RBFOX3: variants seen among roughly 807,000 people sequenced by gnomAD.
The protein encoded by RBFOX3 is RNA binding protein fox-1 homolog 3.
RBFOX3 carries 17 observed loss-of-function variants against 48.7 expected under a neutral mutation model. The observed-to-expected ratio is 0.35, with a 90% CI of 0.24 to 0.52. The LOEUF is 0.52. Among genes scored for constraint, RBFOX3 ranks in the 20% least tolerant of loss-of-function variants. The probability of loss-of-function intolerance (pLI) is 0.94; values close to 1 mark genes in which losing one functional copy is unlikely to be tolerated. For missense variants in RBFOX3, 382 were observed against 497.5 expected, an observed-to-expected ratio of 0.77 and a Z score of 2.21; for synonymous variants, 212 against 209.5, an observed-to-expected ratio of 1.01 and a Z score of -0.10.
chr17:79,289,747 T>C (rs2144806825), intron 3 of RBFOX3, among the ~76,000 whole-genome samples: 1 of 152,366 alleles, frequency 6.6e-6, no homozygotes, highest in Admixed American at 6.5e-5. Flanking sequence ...AGTGGCGTAT[T>C]TTATCTTTAT....
intron 4 of RBFOX3, among the ~76,000 whole-genome samples, chr17:79,156,931 G>A (rs747936715): frequency 6.6e-6 from 1 of 152,180 alleles, no homozygotes; most frequent in Non-Finnish European, 1.5e-5. Context: ...TGTTTGCCCC[G>A]CTGTGGTGGC....
chr17:79,283,943 T>TAA (rs202044002), intron 3 of RBFOX3, among the ~76,000 whole-genome samples: 1,713 of 132,948 alleles, frequency 0.013, 89 homozygotes, highest in Admixed American at 0.024. Context: ...TCAGTACTTA[T>TAA]AAATGGAGAT....
intron 2 of RBFOX3, among the ~76,000 whole-genome samples, chr17:79,367,255 C>G (rs866009827): frequency 6.8e-6 from 1 of 146,116 alleles, no homozygotes; most frequent in Non-Finnish European, 1.5e-5. Context: ...TCCTCCCCTC[C>G]TCCTTTTCTT....
intron 1 of RBFOX3, among the ~76,000 whole-genome samples, chr17:79,500,715 G>C (rs1391092993): frequency 6.6e-6 from 1 of 152,000 alleles, no homozygotes; most frequent in Non-Finnish European, 1.5e-5. Flanking sequence ...TTACAAACCA[G>C]AAAAGGAAAG....
At chr17:79,436,840 AGG>A (rs2069572219) in intron 2 of RBFOX3, among the ~76,000 whole-genome samples, 1 of 152,108 alleles carries the variant, frequency 6.6e-6, no homozygotes, top group South Asian at 2.1e-4. Context: ...CCTCAGAGCC[AGG>A]GAGCCCAGGG....
chr17:79,223,836 C>G (rs1027774769), intron 4 of RBFOX3, among the ~76,000 whole-genome samples: 1 of 152,150 alleles, frequency 6.6e-6, no homozygotes, highest in Non-Finnish European at 1.5e-5. Flanking sequence ...GCAAACAACA[C>G]TTTCAATAAT....
chr17:79,107,822 C>T (rs945546864), intron 5 of RBFOX3, among the ~76,000 whole-genome samples: 5 of 152,296 alleles, frequency 3.3e-5, no homozygotes, highest in Admixed American at 6.5e-5. Context: ...ACTGGCAAGG[C>T]GGGTGGGTGG....
chr17:79,161,758 G>C (rs2047033412), intron 4 of RBFOX3, among the ~76,000 whole-genome samples: 1 of 30,040 alleles, frequency 3.3e-5, no homozygotes, highest in Admixed American at 4.7e-4. Context: ...ATCACACCCG[G>C]CTAATTTTTG....
rs1223297740 is a variant in RBFOX3, at chr17:79,423,038, C to T, written c.-175+59416G>A. 6.6e-6 allele frequency among the ~76,000 whole-genome samples: 1 copy of T among 152,174 alleles called. No homozygotes were observed. The highest frequency in any genetic ancestry group is 1.5e-5 in the Non-Finnish European group (1 of 68,016). ...TCACAGGCACGGGACAGGCCGGCCC[C>T]TGCGACGGGACTTCGGGTGCCCCGT... On this transcript the variant is annotated intron_variant, in intron 2 of 14. Transcript: ENST00000693108. The surrounding 1 kb of genome is among the most constrained non-coding windows in gnomAD (Gnocchi z 4.9).
intron 4 of RBFOX3, among the ~76,000 whole-genome samples, chr17:79,186,611 C>A (rs532918725): frequency 6.6e-6 from 1 of 152,144 alleles, no homozygotes; most frequent in South Asian, 2.1e-4. Context: ...GTGCTGCCCC[C>A]GCTCCTGGGG....
At chr17:79,268,690 T>C (rs976990) in intron 3 of RBFOX3, among the ~76,000 whole-genome samples, 121,619 of 152,118 alleles carry the variant, frequency 0.8, 50,006 homozygotes, top group East Asian at 0.92. Flanking sequence ...TGATGACCCA[T>C]GGCTCTGGCA....
At chr17:79,463,178 G>GCCATCA (rs1297605424) in intron 2 of RBFOX3, among the ~76,000 whole-genome samples, 1 of 133,462 alleles carries the variant, frequency 7.5e-6, no homozygotes, top group Non-Finnish European at 1.6e-5. Flanking sequence ...CACCTCCACC[G>GCCATCA]CCATCGCCAC....
intron 9 of RBFOX3, chr17:79,098,391 C>T (rs543670088): frequency 6.5e-6 from 1 of 153,118 alleles, no homozygotes; most frequent in Admixed American, 6.5e-5. Context: ...GGCTGGTTTT[C>T]CTCAACACTG....
chr17:79,657,202 G>T, the RBFOX3 span, among the ~76,000 whole-genome samples: 2 of 152,220 alleles, frequency 1.3e-5, no homozygotes, highest in African/African-American at 2.4e-5. Context: ...CAGCCACACG[G>T]CAAATGGAAG....
chr17:79,093,791 C>CCACACACACACACACA (rs60453390), intron 14 of RBFOX3, among the ~76,000 whole-genome samples: 125 of 143,932 alleles, frequency 8.7e-4, no homozygotes, highest in Middle Eastern at 7.1e-3. Context: ...CAACAGCTGG[C>CCACACACACACACACA]CACACACACA....
chr17:79,123,806 G>T (rs1300918890), intron 4 of RBFOX3, among the ~76,000 whole-genome samples: 2 of 152,234 alleles, frequency 1.3e-5, no homozygotes, highest in African/African-American at 4.8e-5. Context: ...GCCTTCAGGG[G>T]CTATTGATGC....
At chr17:79,429,890 T>C (rs536298637) in intron 2 of RBFOX3, among the ~76,000 whole-genome samples, 1 of 152,156 alleles carries the variant, frequency 6.6e-6, no homozygotes, top group Non-Finnish European at 1.5e-5. Context: ...TCTGCTCAAC[T>C]TGGGGCCTGT....
In RBFOX3 at chr17:79,537,940, C is replaced by T. The variant is rs566439841; in HGVS notation, c.-319-55342G>A. ...AGGCCCAAGGCATGTCCACACCCCCCGAGGAGATGCTTCCCCTCAAACGTG... is the reference window on the plus strand; with the variant it reads ...AGGCCCAAGGCATGTCCACACCCCCTGAGGAGATGCTTCCCCTCAAACGTG... On this transcript the variant is annotated intron_variant, in intron 1 of 14. Coordinates refer to ENST00000693108, the MANE Select transcript of RBFOX3 (RefSeq NM_001350451.2). Among the ~76,000 whole-genome samples the T allele has an allele frequency of 9.2e-5, 14 of 152,274 alleles. No individual in the cohort carries two copies. In the East Asian group the frequency reaches 1.7e-3, roughly 19 times the overall value.
intron 1 of RBFOX3, among the ~76,000 whole-genome samples, chr17:79,564,179 G>A (rs1020601937): frequency 2.6e-5 from 4 of 152,090 alleles, no homozygotes; most frequent in South Asian, 2.1e-4. Context: ...TGCTCTCCCC[G>A]AAGCCCAAAC....
Sources: allele counts gnomAD v4.1 joint callset (sites outside exome capture counted in the v4.1 genomes callset), GRCh38; gene constraint gnomAD v4.1.1; non-coding constraint Gnocchi (gnomAD v3.1); transcripts MANE v1.5; gene names NCBI Gene and HGNC (gene_info 2026-07-23, HGNC 2026-07-21).